The following LIPC variants were observed in gnomAD, a reference collection of about 807,000 sequenced individuals.
The protein encoded by LIPC is lipase C, hepatic type.
LIPC carries 44 observed loss-of-function variants against 50.7 expected under a neutral mutation model. The ratio of observed to expected loss-of-function variants is 0.87; its 90% CI spans 0.68 to 1.11. The LOEUF is 1.11. Ranked by LOEUF, LIPC falls within the 50% of genes most tolerant of loss-of-function variation. The pLI is 0.00. For missense variants in LIPC, 697 were observed against 648.2 expected (o/e 1.08, Z -0.82); for synonymous variants, 271 against 256.4 (o/e 1.06, Z -0.54).
intron 1 of LIPC, among the ~76,000 whole-genome samples, chr15:58,482,261 T>G (rs1891212998): frequency 6.6e-6 from 1 of 152,114 alleles, no homozygotes; most frequent in African/African-American, 2.4e-5. Context: ...CTGCCCTTTT[T>G]AGAGACAGTC....
intron 1 of LIPC, among the ~76,000 whole-genome samples, chr15:58,475,021 T>C (rs1203464095): frequency 6.6e-6 from 1 of 152,214 alleles, no homozygotes; most frequent in Non-Finnish European, 1.5e-5. Flanking sequence ...ATGCCACCTG[T>C]GGTGGCCCCT....
intron 1 of LIPC, among the ~76,000 whole-genome samples, chr15:58,489,472 G>A (rs2140801307): frequency 6.6e-6 from 1 of 152,258 alleles, no homozygotes; most frequent in Admixed American, 6.5e-5. Context: ...GGGAATGGGT[G>A]CTGCAGATTG....
rs369673887 is a variant in LIPC at position 58,552,427 on chromosome 15, C to T, written c.1051+3855C>T. The stretch of plus-strand genomic sequence containing the variant: ...CTCGACTGAGTGCCTCTCCCTCCTG[C>T]GGCATTCCAGCTGCATGTCCCGCCT... On this transcript the variant is annotated intron_variant, in intron 6 of 8. Coordinates refer to ENST00000299022, the MANE Select transcript of LIPC (RefSeq NM_000236.3). Among the ~76,000 whole-genome samples the T allele has an allele frequency of 2.9e-4, 44 of 152,314 alleles. No homozygotes were observed. The South Asian group carries it at 6.0e-3, about 21-fold the overall frequency.
At chr15:58,565,366 T>G in intron 8 of LIPC, 6 of 1,519,334 alleles carry the variant, frequency 3.9e-6, no homozygotes, top group Non-Finnish European at 5.3e-6. Flanking sequence ...CCCATGTGGC[T>G]TGACCTGAAA....
intron 1 of LIPC, among the ~76,000 whole-genome samples, chr15:58,454,119 T>C (rs376039736): frequency 9.2e-5 from 14 of 152,198 alleles, no homozygotes; most frequent in East Asian, 3.9e-4. Context: ...CCCAGCCCAG[T>C]GACTCCTGAG....
intron 8 of LIPC, among the ~76,000 whole-genome samples, chr15:58,564,716 G>C (rs1894298079): frequency 6.6e-6 from 1 of 152,090 alleles, no homozygotes; most frequent in African/African-American, 2.4e-5. Flanking sequence ...GACAGAGAGA[G>C]AGACTCCGTC....
intron 1 of LIPC, among the ~76,000 whole-genome samples, chr15:58,490,763 G>A (rs1412920385): frequency 5.3e-5 from 8 of 152,182 alleles, no homozygotes; most frequent in Admixed American, 1.3e-4. Context: ...CAGGCGACAC[G>A]GAAAGGGAGG....
At chr15:58,484,148 T>C (rs543849644) in intron 1 of LIPC, among the ~76,000 whole-genome samples, 2 of 152,212 alleles carry the variant, frequency 1.3e-5, no homozygotes, top group Admixed American at 6.5e-5. Context: ...GGGTCAAGCA[T>C]GCAGGCCTGT....
Position 58,542,584 on chromosome 15 carries a change from G to T in LIPC, c.507G>T (p.Leu169=). The T allele has an allele frequency of 6.2e-7, 1 of 1,613,900 alleles. No individual in the cohort carries two copies. The highest frequency in any genetic ancestry group is 1.1e-5 in the South Asian group (1 of 91,068). The change falls in exon 4 of 9, where the codon CTG becomes CTT. Residue 169 remains leucine (L), a synonymous_variant. Coordinates refer to ENST00000299022, the MANE Select transcript of LIPC (RefSeq NM_000236.3). The stretch of plus-strand genomic sequence containing the variant: ...ATGTTCACCTAATTGGGTACAGCCT[G>T]GGTGCACACGTGTCAGGATTTGCCG... The part of the protein sequence containing the change: ...RSHVHLIGYS[L]GAHVSGFAGS...
chr15:58,489,489 G>A (rs1025198608), intron 1 of LIPC, among the ~76,000 whole-genome samples: 3 of 152,086 alleles, frequency 2.0e-5, no homozygotes. Flanking sequence ...ATTGGTTGGG[G>A]ATGAAATCAT....
chr15:58,559,290 C>T (rs1894069152), intron 6 of LIPC, among the ~76,000 whole-genome samples: 1 of 152,174 alleles, frequency 6.6e-6, no homozygotes, highest in African/African-American at 2.4e-5. Flanking sequence ...TGTTAATGTG[C>T]ATTGTGATAC....
At chr15:58,493,194 A>G (rs1434955563) in intron 1 of LIPC, among the ~76,000 whole-genome samples, 2 of 152,176 alleles carry the variant, frequency 1.3e-5, no homozygotes, top group Middle Eastern at 3.2e-3. Context: ...TCAACTTCAC[A>G]TGATTAGGAA....
intron 6 of LIPC, among the ~76,000 whole-genome samples, chr15:58,550,968 C>G (rs11632796): frequency 0.96 from 145,212 of 150,728 alleles, 70,210 homozygotes; most frequent in East Asian, 1. Context: ...TCCTAAGTAG[C>G]TGGGATTACC....
intron 6 of LIPC, among the ~76,000 whole-genome samples, chr15:58,559,894 C>T (rs997162078): frequency 6.6e-6 from 1 of 152,112 alleles, no homozygotes; most frequent in Non-Finnish European, 1.5e-5. Flanking sequence ...GCTGTGCCAC[C>T]ATGCAAGCTA....
intron 6 of LIPC, among the ~76,000 whole-genome samples, chr15:58,554,083 T>C (rs776643009): frequency 1.3e-4 from 20 of 152,212 alleles, no homozygotes; most frequent in Admixed American, 1.3e-3. Flanking sequence ...AATCATTGTT[T>C]CTGGGAGGCA....
rs1379179826 is a variant in LIPC at position 58,563,611 on chromosome 15, T to A, written c.1276T>A (p.Trp426Arg). Residue 426 changes from tryptophan to arginine, a missense_variant, in exon 8 of 9, where the codon TGG becomes AGG. Trp to Arg is a moderately radical substitution (Grantham distance 101, BLOSUM62 -3). Coordinates refer to ENST00000299022, the MANE Select transcript of LIPC (RefSeq NM_000236.3). ...IKFKWENSAV[W>R]ANVWDTVQTI... ...GTTCAAGTGGGAAAACAGTGCAGTG[T>A]GGGCCAATGTCTGGGACACGGTCCA... The A allele has an allele frequency of 4.3e-6, 7 of 1,614,224 alleles. No homozygotes were observed. The highest frequency in any genetic ancestry group is 5.1e-6 in the Non-Finnish European group (6 of 1,180,034).
intron 1 of LIPC, chr15:58,523,359 T>C (rs17269341): frequency 0.14 from 18,786 of 137,084 alleles, 1,566 homozygotes; most frequent in Non-Finnish European, 0.21. Context: ...ACCTATTAAA[T>C]AGCTGAAATC....
chr15:58,513,986 G>T (rs773561091), intron 1 of LIPC, among the ~76,000 whole-genome samples: 1 of 152,192 alleles, frequency 6.6e-6, no homozygotes, highest in East Asian at 1.9e-4. Flanking sequence ...AATCATTTCC[G>T]TGACGAGCTG....
At chr15:58,458,893 G>A (rs189494628) in intron 1 of LIPC, among the ~76,000 whole-genome samples, 14 of 152,270 alleles carry the variant, frequency 9.2e-5, no homozygotes, top group Middle Eastern at 3.4e-3. Context: ...TAAGTTGTGC[G>A]TTAAGTGGGG....
Sources: gnomAD v4.1 joint callset for allele counts (sites outside exome capture counted in the v4.1 genomes callset) on GRCh38, gnomAD v4.1.1 for gene constraint, MANE v1.5 for transcripts, NCBI Gene and HGNC (gene_info 2026-07-23, HGNC 2026-07-21) for gene names.